The following ADSS2 variants were observed in gnomAD, a reference collection of about 807,000 sequenced individuals.
The protein encoded by ADSS2 is adenylosuccinate synthase 2.
A neutral mutation model predicts 60.0 loss-of-function variants in ADSS2; 30 were observed. The observed-to-expected ratio is 0.50, with a 90% CI of 0.37 to 0.68. ADSS2 has a LOEUF of 0.68. ADSS2 is among the 30% of genes least tolerant of loss of function. ADSS2 has a pLI of 0.00. For synonymous variants in ADSS2, 187 were observed against 193.1 expected, an observed-to-expected ratio of 0.97 and a Z score of 0.26; for missense variants, 373 against 554.8, an observed-to-expected ratio of 0.67 and a Z score of 3.29.
At position 244,443,942 on chromosome 1, in the gene ADSS2, A is replaced by T. The variant is rs1665315362; in HGVS notation, c.184-6174T>A. On this transcript the variant is annotated intron_variant, in intron 1 of 12. Transcript: ENST00000366535. ...GCTTTCAGGTTGAGGCCAATTTTTAAACCATTTTACTTCTGAAATATACCC... is the reference window on the plus strand; with the variant it reads ...GCTTTCAGGTTGAGGCCAATTTTTATACCATTTTACTTCTGAAATATACCC... 2.0e-5 allele frequency among the ~76,000 whole-genome samples: 3 copies of T among 152,066 alleles called. No homozygotes were observed. In the South Asian group the frequency reaches 6.2e-4, roughly 31 times the overall value.
intron 4 of ADSS2, among the ~76,000 whole-genome samples, chr1:244,427,736 A>C (rs1664840790): frequency 6.6e-6 from 1 of 152,216 alleles, no homozygotes; most frequent in Non-Finnish European, 1.5e-5. Context: ...TTGTGGTATT[A>C]ACAATCATAG....
chr1:244,437,625 G>C (rs1293018322), intron 2 of ADSS2, 41 bp downstream of exon 2: 1 of 1,344,086 alleles, frequency 7.4e-7, no homozygotes, highest in South Asian at 1.2e-5. Flanking sequence ...ATTATCAACT[G>C]GTGGGGGGGA....
At chr1:244,416,491 T>G (rs550452559) in intron 10 of ADSS2, among the ~76,000 whole-genome samples, 2 of 152,258 alleles carry the variant, frequency 1.3e-5, no homozygotes, top group South Asian at 4.1e-4. Context: ...CTAATTGTTT[T>G]GTATTTTTTG....
In ADSS2 at chr1:244,409,561, G is replaced by T; in HGVS notation, c.*25C>A. On this transcript the variant is annotated 3_prime_UTR_variant, in exon 13 of 13. Transcript: ENST00000366535. ...AGTCTTTTCCCCTCCCTCTCAAGGAGTGTTTCTTGCATTACTGGCAATCAT... is the reference window on the plus strand; with the variant it reads ...AGTCTTTTCCCCTCCCTCTCAAGGATTGTTTCTTGCATTACTGGCAATCAT... 6.4e-7 allele frequency: 1 copy of T among 1,571,682 alleles called. No individual in the cohort carries two copies. The highest frequency in any genetic ancestry group is 8.7e-7 in the Non-Finnish European group (1 of 1,143,162).
At chr1:244,420,008 T>G (rs1664639304) in intron 8 of ADSS2, among the ~76,000 whole-genome samples, 162 bp downstream of exon 8, 1 of 152,184 alleles carries the variant, frequency 6.6e-6, no homozygotes, top group African/African-American at 2.4e-5. Context: ...TTCTGCAATA[T>G]TCCTTTAAAA....
chr1:244,421,852 T>C (rs1042821871), intron 7 of ADSS2, among the ~76,000 whole-genome samples: 4 of 151,968 alleles, frequency 2.6e-5, no homozygotes, highest in African/African-American at 7.3e-5. Flanking sequence ...GGTGTGCCCA[T>C]AGTCCCAGCT....
chr1:244,442,994 GTAT>G (rs1665285074), intron 1 of ADSS2, among the ~76,000 whole-genome samples: 3 of 152,236 alleles, frequency 2.0e-5, no homozygotes, highest in Admixed American at 2.0e-4. Flanking sequence ...TCCCACCTAT[GTAT>G]TAGAAGGGCA....
chr1:244,436,834 T>C lies in ADSS2; in HGVS notation c.346A>G (p.Lys116Glu). Residue 116 changes from lysine to glutamate, a missense_variant, in exon 3 of 13, where the codon AAA (lysine) becomes GAA (glutamate). Transcript: ENST00000366535. ...LFEEAEKNVQ[K>E]GKGLEGWEKR... Reference sequence around the variant, plus strand: ...ACTCATTCTTTCATACCTTTTCCTTTTTGAACATTTTTCTCTGCTTCTTCA... The same window carrying C: ...ACTCATTCTTTCATACCTTTTCCTTCTTGAACATTTTTCTCTGCTTCTTCA... 1 of 1,611,682 alleles carries C rather than the reference T, an allele frequency of 6.2e-7. No homozygotes were observed. Among genetic ancestry groups the C allele is most frequent in the Non-Finnish European group, 8.5e-7 (1 of 1,178,702 alleles).
chr1:244,434,121 T>C (rs191826048), intron 3 of ADSS2, among the ~76,000 whole-genome samples: 3 of 151,114 alleles, frequency 2.0e-5, no homozygotes, highest in South Asian at 2.1e-4. Flanking sequence ...GGCAGGAGGA[T>C]TGCTTGAGGC....
chr1:244,418,622 A>G, intron 9 of ADSS2, 138 bp downstream of exon 9: 1 of 925,256 alleles, frequency 1.1e-6, no homozygotes, highest in East Asian at 3.0e-5. Flanking sequence ...CGTCCAGCCA[A>G]AATTATGTAT....
At chr1:244,442,259 AC>A (rs1665267247) in intron 1 of ADSS2, among the ~76,000 whole-genome samples, 1 of 152,036 alleles carries the variant, frequency 6.6e-6, no homozygotes. Flanking sequence ...ACACACACAC[AC>A]ACACACACAA....
At chr1:244,436,524 T>C (rs903744380) in intron 3 of ADSS2, among the ~76,000 whole-genome samples, 1 of 152,220 alleles carries the variant, frequency 6.6e-6, no homozygotes, top group Non-Finnish European at 1.5e-5. Context: ...ACTGACAGTG[T>C]GCAAACTCAG....
At chr1:244,418,729 C>T (rs200645749) in intron 9 of ADSS2, 31 bp downstream of exon 9, 67 of 1,545,126 alleles carry the variant, frequency 4.3e-5, no homozygotes, top group Non-Finnish European at 5.8e-5. Context: ...ATTTTTAATA[C>T]ATTTTGATTA....
intron 4 of ADSS2, chr1:244,424,958 A>G (rs919482100): frequency 6.5e-6 from 1 of 152,976 alleles, no homozygotes; most frequent in African/African-American, 2.4e-5. Context: ...TTCAGTCTAC[A>G]CTTTCATCTT....
chr1:244,411,477 T>C (rs760190229), intron 11 of ADSS2, 41 bp from the exon 12 acceptor site: 1 of 1,568,426 alleles, frequency 6.4e-7, no homozygotes, highest in South Asian at 1.2e-5. Flanking sequence ...CACACACTGT[T>C]TACTGTCAAA....
intron 1 of ADSS2, 99 bp from the exon 2 acceptor site, chr1:244,437,867 A>C (rs975992936): frequency 2.2e-6 from 2 of 906,064 alleles, no homozygotes; most frequent in African/African-American, 3.3e-5. Flanking sequence ...CAAAAGGTCA[A>C]CTTAAGAGAG....
intron 3 of ADSS2, among the ~76,000 whole-genome samples, chr1:244,435,194 A>AAAAAAAAAAAAAAACAAAC (rs1553308065): frequency 1.6e-5 from 2 of 127,908 alleles, no homozygotes; most frequent in African/African-American, 6.4e-5. Context: ...AAAAAAAAAA[A>AAAAAAAAAAAAAAACAAAC]AAACAAACCT....
At chr1:244,423,815 A>G in intron 6 of ADSS2, 138 bp downstream of exon 6, 1 of 585,834 alleles carries the variant, frequency 1.7e-6, no homozygotes, top group Non-Finnish European at 3.0e-6. Flanking sequence ...TAATAAAAAT[A>G]ACTTTAATAT....
intron 12 of ADSS2, 100 bp from the exon 13 acceptor site, chr1:244,409,738 A>AT: frequency 1.1e-6 from 1 of 914,066 alleles, no homozygotes; most frequent in South Asian, 1.5e-5. Flanking sequence ...CAGTATCACC[A>AT]TAACTTTTCC....
Sources: allele counts gnomAD v4.1 joint callset (sites outside exome capture counted in the v4.1 genomes callset), GRCh38; gene constraint gnomAD v4.1.1; transcripts MANE v1.5; gene names NCBI Gene and HGNC (gene_info 2026-07-23, HGNC 2026-07-21).